The following G6PC2 variants were observed in gnomAD, a reference collection of about 807,000 sequenced individuals.
G6PC2 encodes glucose-6-phosphatase 2.
A neutral mutation model predicts 35.4 loss-of-function variants in G6PC2; 41 were observed. The ratio of observed to expected loss-of-function variants is 1.16; its 90% CI spans 0.90 to 1.50. The LOEUF is 1.50. Ranked by LOEUF, G6PC2 falls within the 40% of genes most tolerant of loss-of-function variation. The probability of loss-of-function intolerance (pLI) is 0.00; values close to 1 mark genes in which losing one functional copy is unlikely to be tolerated. For synonymous variants in G6PC2, 165 were observed against 153.2 expected (o/e 1.08, Z -0.57); for missense variants, 441 against 426.5 (o/e 1.03, Z -0.30).
At chr2:168,907,394 G>A (rs1690735909) in intron 4 of G6PC2, among the ~76,000 whole-genome samples, 174 bp from the exon 5 acceptor site, 1 of 152,196 alleles carries the variant, frequency 6.6e-6, no homozygotes, top group South Asian at 2.1e-4. Flanking sequence ...AACACCGTGG[G>A]CAAACCTGCA....
intron 4 of G6PC2, 124 bp downstream of exon 4, chr2:168,906,903 G>A: frequency 1.4e-6 from 1 of 727,720 alleles, no homozygotes; most frequent in Non-Finnish European, 2.5e-6. Context: ...TGAAGTCACT[G>A]ATACTAAATG....
At position 168,909,010 on chromosome 2, in the gene G6PC2, G is replaced by A. The variant is rs1317789880; in HGVS notation, c.*931G>A. ...GCTTGAGCCATTGTATTAATAGTTG[G>A]CCTACACTGTCTTTTGTTTCTTCAT... On this transcript the variant is annotated 3_prime_UTR_variant, in exon 5 of 5. Transcript: ENST00000375363. 2 of 152,048 alleles carry A rather than the reference G, an allele frequency of 1.3e-5. No homozygotes were observed. Among genetic ancestry groups the A allele is most frequent in the East Asian group, 3.9e-4 (2 of 5,190 alleles). 9.4% of individuals were successfully genotyped at this position (152,048 alleles called of 1,614,324 possible). A position where few individuals can be genotyped will look rare whatever the true frequency, so the allele number is the denominator to read the frequency against.
At chr2:168,902,966 G>A in intron 2 of G6PC2, 1 of 245,354 alleles carries the variant, frequency 4.1e-6, no homozygotes, top group Non-Finnish European at 8.0e-6. Flanking sequence ...GAATGAGGGA[G>A]GAGTAGACAA....
chr2:168,901,996 A>G (rs1477624586), intron 1 of G6PC2, among the ~76,000 whole-genome samples: 1 of 152,136 alleles, frequency 6.6e-6, no homozygotes, highest in Non-Finnish European at 1.5e-5. Flanking sequence ...TCGGCTTCCT[A>G]AAGTGCTGGG....
Position 168,907,620 on chromosome 2 carries a change from T to A in G6PC2, c.609T>A (p.Ser203Arg), listed in dbSNP as rs201094274. The change falls in exon 5 of 5, where the codon AGT (serine) becomes AGA (arginine). Residue 203 changes from serine to arginine, a missense_variant. Physicochemically the swap from Ser to Arg is moderately radical, Grantham distance 110. Coordinates refer to ENST00000375363, the MANE Select transcript of G6PC2 (RefSeq NM_021176.3). ...ACACTCCAGGCATCCAAACGGCCAG[T>A]CTGGGCACATACCTGAAGACCAACC... ...FEHTPGIQTA[S>R]LGTYLKTNLF... is the part of the protein sequence containing the mutation. The A allele has an allele frequency of 1.2e-4, 200 of 1,614,026 alleles. 2 individuals carry two copies. The East Asian group carries it at 4.3e-3, about 35-fold the overall frequency.
At chr2:168,902,820 A>G (rs575297643) in intron 2 of G6PC2, 39 of 489,112 alleles carry the variant, frequency 8.0e-5, no homozygotes, top group African/African-American at 4.3e-4. Flanking sequence ...TCAGAAGAAT[A>G]TAATGACTTG....
chr2:168,904,639 T>C, intron 3 of G6PC2, 23 bp downstream of exon 3: 14 of 1,214,136 alleles, frequency 1.2e-5, no homozygotes, highest in Non-Finnish European at 1.6e-5. Flanking sequence ...GCAGTTTCTG[T>C]AGCACTGGAA....
rs376500857 is a variant in G6PC2, at chr2:168,906,755, C to G, written c.532C>G (p.Gln178Glu). ...RVFIATHFPH[Q>E]VILGVIGGML... ...ATTCATAGCAACACATTTTCCTCAT[C>G]AAGTTATTCTTGGAGTAATTGGTGG... The change falls in exon 4 of 5, where the codon CAA becomes GAA. Residue 178 changes from glutamine (Q) to glutamate (E), a missense_variant. Physicochemically the swap from Gln to Glu is conservative, Grantham distance 29 (BLOSUM62 2). Transcript: ENST00000375363. 39 of 1,569,514 alleles carry G rather than the reference C, an allele frequency of 2.5e-5. No individual in the cohort carries two copies. Among genetic ancestry groups the G allele is most frequent in the Non-Finnish European group, 3.4e-5 (39 of 1,139,378 alleles).
At chr2:168,907,002 C>T (rs530437269) in intron 4 of G6PC2, among the ~76,000 whole-genome samples, 40 of 152,312 alleles carry the variant, frequency 2.6e-4, no homozygotes, top group Middle Eastern at 3.4e-3. Context: ...TGCACAATTG[C>T]TTCATGAGGT....
chr2:168,903,674 G>A (rs1690649858), intron 2 of G6PC2, among the ~76,000 whole-genome samples: 1 of 152,142 alleles, frequency 6.6e-6, no homozygotes, highest in Non-Finnish European at 1.5e-5. Context: ...AATTTTTTAA[G>A]GCATAGTTTT....
chr2:168,902,463 AC>A lies in G6PC2; in HGVS notation c.239del (p.Pro80LeufsTer48). ...AATACAGGATATTATTTGGTCATCG[AC>A]CTTACTGGTGGGTCCAAGAAACTCA... ...IFKWILFGHRPYWWVQETQIY... is the reference protein window; with the variant it reads ...IFKWILFGHRXYWWVQETQIY... On this transcript the variant is annotated frameshift_variant, in exon 2 of 5. Transcript: ENST00000375363. LOFTEE classifies it high-confidence loss of function. The A allele has an allele frequency of 6.8e-7, 1 of 1,474,056 alleles. No homozygotes were observed. The highest frequency in any genetic ancestry group is 9.5e-7 in the Non-Finnish European group (1 of 1,052,280). The allele number at this position is 1,474,056 out of a possible 1,614,324, so 91.3% of individuals were successfully genotyped here.
Position 168,902,479 on chromosome 2 carries a change from C to A in G6PC2, c.253C>A (p.Gln85Lys). The A allele has an allele frequency of 6.4e-7, 1 of 1,566,404 alleles. No homozygotes were observed. Among genetic ancestry groups the A allele is most frequent in the East Asian group, 2.2e-5 (1 of 44,656 alleles). ...LFGHRPYWWV[Q>K]ETQIYPNHSS... ...TGGTCATCGACCTTACTGGTGGGTCCAAGAAACTCAGATTTACCCAAATCA... is the reference window on the plus strand; with the variant it reads ...TGGTCATCGACCTTACTGGTGGGTCAAAGAAACTCAGATTTACCCAAATCA... The change falls in exon 2 of 5, where the codon CAA (glutamine) becomes AAA (lysine). Residue 85 changes from glutamine (Q) to lysine (K), a missense_variant. Coordinates refer to ENST00000375363, the MANE Select transcript of G6PC2 (RefSeq NM_021176.3).
intron 2 of G6PC2, among the ~76,000 whole-genome samples, chr2:168,903,761 T>A (rs1690651069): frequency 6.6e-6 from 1 of 152,186 alleles, no homozygotes; most frequent in Admixed American, 6.5e-5. Context: ...GTATTTAATT[T>A]GAATGAACTA....
intron 3 of G6PC2, among the ~76,000 whole-genome samples, chr2:168,905,013 T>G (rs1489232980): frequency 1.3e-5 from 2 of 152,266 alleles, no homozygotes; most frequent in African/African-American, 2.4e-5. Flanking sequence ...TCTCCTTGAC[T>G]GCATCAGTTT....
At chr2:168,905,028 A>T (rs1316051218) in intron 3 of G6PC2, among the ~76,000 whole-genome samples, 1 of 152,256 alleles carries the variant, frequency 6.6e-6, no homozygotes, top group Non-Finnish European at 1.5e-5. Flanking sequence ...CAGTTTATTC[A>T]GTAAAATTAT....
At chr2:168,907,390 G>A (rs1474913810) in intron 4 of G6PC2, among the ~76,000 whole-genome samples, 178 bp from the exon 5 acceptor site, 1 of 152,156 alleles carries the variant, frequency 6.6e-6, no homozygotes, top group Non-Finnish European at 1.5e-5. Flanking sequence ...TGAAAACACC[G>A]TGGGCAAACC....
chr2:168,901,981 C>T (rs191060664), intron 1 of G6PC2, among the ~76,000 whole-genome samples: 2 of 152,098 alleles, frequency 1.3e-5, no homozygotes, highest in African/African-American at 2.4e-5. Flanking sequence ...GGTGATCCAC[C>T]GACTTCGGCT....
At chr2:168,904,469 C>A in intron 2 of G6PC2, 36 bp from the exon 3 acceptor site, 1 of 1,038,408 alleles carries the variant, frequency 9.6e-7, no homozygotes, top group Non-Finnish European at 1.5e-6. Flanking sequence ...TGATAGTTAA[C>A]CACTTTTCAA....
rs1690666736 is a variant in G6PC2 at position 168,904,537 on chromosome 2, T to C, written c.361T>C (p.Cys121Arg). The change falls in exon 3 of 5, where the codon TGT becomes CGT. Residue 121 changes from cysteine (C) to arginine (R), a missense_variant. Transcript: ENST00000375363. The stretch of plus-strand genomic sequence containing the variant: ...ATCTGGCCATGCAATGGGCGCATCC[T>C]GTGTCTGGTATGTCATGGTAACCGC... Reference protein sequence around the residue: ...SPSGHAMGASCVWYVMVTAAL... With the variant: ...SPSGHAMGASRVWYVMVTAAL... 2 of 1,611,478 alleles carry C rather than the reference T, an allele frequency of 1.2e-6. No homozygotes were observed. The highest frequency in any genetic ancestry group is 8.5e-7 in the Non-Finnish European group (1 of 1,177,712).
Sources: gnomAD v4.1 joint callset for allele counts (sites outside exome capture counted in the v4.1 genomes callset) on GRCh38, gnomAD v4.1.1 for gene constraint, MANE v1.5 for transcripts, NCBI Gene and HGNC (gene_info 2026-07-23, HGNC 2026-07-21) for gene names.